Variants in TBCK observed in about 807,000 individuals in gnomAD.
The protein encoded by TBCK is TBC1 domain containing kinase.
TBCK carries 99 observed loss-of-function variants against 113.4 expected under a neutral mutation model. The observed-to-expected ratio is 0.87, with a 90% CI of 0.74 to 1.03. The LOEUF (loss-of-function observed/expected upper bound fraction) is 1.03. TBCK is among the 50% of genes least tolerant of loss of function. The probability of loss-of-function intolerance (pLI) is 0.00; values close to 1 mark genes in which losing one functional copy is unlikely to be tolerated. For synonymous variants in TBCK, 369 were observed against 370.8 expected (o/e 1.00, Z 0.05); for missense variants, 1,045 against 1,061.3 (o/e 0.98, Z 0.21).
intron 25 of TBCK, among the ~76,000 whole-genome samples, chr4:106,047,508 C>T (rs1734349207): frequency 6.6e-6 from 1 of 152,178 alleles, no homozygotes; most frequent in African/African-American, 2.4e-5. Context: ...AACCCCCACA[C>T]ATAACCTCAA....
chr4:106,097,463 G>A (rs936609497), intron 24 of TBCK, among the ~76,000 whole-genome samples: 29 of 152,100 alleles, frequency 1.9e-4, no homozygotes, highest in Admixed American at 1.5e-3. Context: ...CCTCTAAATC[G>A]TCTATCATTA....
At chr4:106,283,199 A>G (rs1764791278) in intron 3 of TBCK, among the ~76,000 whole-genome samples, 1 of 152,164 alleles carries the variant, frequency 6.6e-6, no homozygotes, top group Admixed American at 6.5e-5. Context: ...TCATTCATTC[A>G]ATAGTCCATT....
intron 22 of TBCK, among the ~76,000 whole-genome samples, chr4:106,188,746 C>T (rs1028156582): frequency 5.3e-5 from 8 of 152,132 alleles, no homozygotes; most frequent in Middle Eastern, 3.2e-3. Context: ...GTTCCCAATA[C>T]GTACGAAATA....
intron 20 of TBCK, among the ~76,000 whole-genome samples, chr4:106,196,132 A>C (rs1470407452): frequency 1.3e-5 from 2 of 152,004 alleles, no homozygotes; most frequent in Non-Finnish European, 2.9e-5. Flanking sequence ...TAATTTGACA[A>C]ATTTATTCTC....
chr4:106,215,574 T>C (rs1756784554), intron 19 of TBCK, among the ~76,000 whole-genome samples: 1 of 152,076 alleles, frequency 6.6e-6, no homozygotes, highest in Non-Finnish European at 1.5e-5. Context: ...TCCTAGTCTC[T>C]GATAAAACAG....
intron 7 of TBCK, 109 bp from the exon 8 acceptor site, chr4:106,249,091 C>G (rs1022222760): frequency 3.3e-6 from 2 of 600,360 alleles, no homozygotes; most frequent in South Asian, 7.0e-5. Context: ...AATTTTGAAA[C>G]TTAAAATACT....
chr4:106,148,340 G>T (rs1344565045), intron 23 of TBCK, among the ~76,000 whole-genome samples: 2 of 152,108 alleles, frequency 1.3e-5, no homozygotes, highest in Admixed American at 1.3e-4. Context: ...GGCTTGTGGG[G>T]CATCACGGAA....
chr4:106,200,509 C>T (rs1200555711), intron 20 of TBCK, among the ~76,000 whole-genome samples: 2 of 152,110 alleles, frequency 1.3e-5, no homozygotes, highest in Admixed American at 1.3e-4. Flanking sequence ...CACTGCACTC[C>T]AGCCTAGGTG....
At chr4:106,312,716 C>A (rs1232067074) in intron 1 of TBCK, among the ~76,000 whole-genome samples, 3 of 151,996 alleles carry the variant, frequency 2.0e-5, no homozygotes, top group Non-Finnish European at 4.4e-5. Context: ...ATAAGTGAAT[C>A]AATTAACATA....
intron 3 of TBCK, among the ~76,000 whole-genome samples, chr4:106,277,713 G>A (rs1015514782): frequency 1.3e-5 from 2 of 152,158 alleles, no homozygotes; most frequent in South Asian, 4.1e-4. Context: ...GAGATTTACT[G>A]GGAAGGGACA....
Position 106,171,185 on chromosome 4 carries a change from T to C in TBCK, c.2145A>G (p.Gln715=), listed in dbSNP as rs1046442955. The C allele has an allele frequency of 1.2e-6, 2 of 1,612,506 alleles. No individual in the cohort carries two copies. The highest frequency in any genetic ancestry group is 1.3e-5 in the African/African-American group (1 of 74,780). Reference sequence around the variant, plus strand: ...TGCTGTCAGAAGATGGCTTTGGAGGTTGAGCATGCTGTCTGTAAGTAGCAC... The same window carrying C: ...TGCTGTCAGAAGATGGCTTTGGAGGCTGAGCATGCTGTCTGTAAGTAGCAC... ...PKSATYRQHA[Q]PPKPSSDSSG... The change falls in exon 23 of 26, where the codon CAA becomes CAG. Residue 715 remains glutamine, a synonymous_variant. Transcript: ENST00000394708.
intron 2 of TBCK, among the ~76,000 whole-genome samples, chr4:106,296,071 C>T (rs1766272954): frequency 6.6e-6 from 1 of 152,106 alleles, no homozygotes; most frequent in South Asian, 2.1e-4. Flanking sequence ...TTAATGATGT[C>T]ATTTTTATTT....
chr4:106,083,377 T>C (rs1230348165), intron 25 of TBCK, among the ~76,000 whole-genome samples: 1 of 152,172 alleles, frequency 6.6e-6, no homozygotes, highest in East Asian at 1.9e-4. Flanking sequence ...TGGGCGGGGC[T>C]TCCCTGAACA....
In TBCK at chr4:106,244,766, T is replaced by C; in HGVS notation, c.932-2A>G. The C allele has an allele frequency of 6.5e-7, 1 of 1,543,174 alleles. No homozygotes were observed. The highest frequency in any genetic ancestry group is 8.8e-7 in the Non-Finnish European group (1 of 1,131,600). On this transcript the variant is annotated splice_acceptor_variant, in intron 10 of 25. Transcript: ENST00000394708. LOFTEE classifies it high-confidence loss of function. ...CTGCCAGGTAATCATTATTTATATCTATTAAAAGCAAATTTAAGGAATCAT... is the reference window on the plus strand; with the variant it reads ...CTGCCAGGTAATCATTATTTATATCCATTAAAAGCAAATTTAAGGAATCAT...
rs374623036 is a variant in TBCK, at chr4:106,313,720, C to A, written c.-30+2211G>T. ...AGCCATTGGGCTTTAAGGGGAAAAT[C>A]TTCAAACAGAGGAATGGAAGCTTGC... is the stretch of plus-strand genomic sequence containing the variant. On this transcript the variant is annotated intron_variant, in intron 1 of 25. Transcript: ENST00000394708. 8.5e-5 allele frequency among the ~76,000 whole-genome samples: 13 copies of A among 152,304 alleles called. No homozygotes were observed. In the East Asian group the frequency reaches 2.3e-3, roughly 27 times the overall value.
intron 23 of TBCK, among the ~76,000 whole-genome samples, chr4:106,124,716 T>C (rs930691345): frequency 2.6e-5 from 4 of 151,906 alleles, no homozygotes; most frequent in Admixed American, 6.6e-5. Context: ...ATGGATGAAA[T>C]TGGAAATCAT....
At chr4:106,049,955 G>C (rs1474180438) in intron 25 of TBCK, among the ~76,000 whole-genome samples, 1 of 152,080 alleles carries the variant, frequency 6.6e-6, no homozygotes, top group East Asian at 1.9e-4. Context: ...TAGATAATGG[G>C]ATTCATTTGC....
At chr4:106,199,980 C>T (rs570423494) in intron 20 of TBCK, among the ~76,000 whole-genome samples, 4 of 152,290 alleles carry the variant, frequency 2.6e-5, no homozygotes, top group South Asian at 2.1e-4. Context: ...TGGCTTTCCA[C>T]CTCTAACAAT....
At chr4:106,256,398 C>T (rs551092335) in intron 5 of TBCK, among the ~76,000 whole-genome samples, 3 of 152,326 alleles carry the variant, frequency 2.0e-5, no homozygotes, top group African/African-American at 7.2e-5. Flanking sequence ...CCGAAGTCCA[C>T]AGGGAGTCAA....
Sources: gnomAD v4.1 joint callset for allele counts (sites outside exome capture counted in the v4.1 genomes callset) on GRCh38, gnomAD v4.1.1 for gene constraint, MANE v1.5 for transcripts, NCBI Gene and HGNC (gene_info 2026-07-23, HGNC 2026-07-21) for gene names.